The following CHEK2 variants were observed in gnomAD, a reference collection of about 807,000 sequenced individuals.
CHEK2 encodes the protein serine/threonine-protein kinase Chk2.
In CHEK2, 71 loss-of-function variants were observed where a neutral mutation model predicts 69.1. The observed-to-expected ratio is 1.03, with a 90% CI of 0.85 to 1.25. The LOEUF (loss-of-function observed/expected upper bound fraction) is 1.25. Among genes scored for constraint, CHEK2 ranks in the 50% most tolerant of loss-of-function variants. CHEK2 has a pLI of 0.00. For synonymous variants in CHEK2, 189 were observed against 226.9 expected (o/e 0.83, Z 1.50); for missense variants, 664 against 649.6 (o/e 1.02, Z -0.24).
intron 7 of CHEK2, among the ~76,000 whole-genome samples, chr22:28,707,571 A>G (rs2053196820): frequency 6.6e-6 from 1 of 152,222 alleles, no homozygotes; most frequent in Non-Finnish European, 1.5e-5. Flanking sequence ...AAGTAATCAC[A>G]TCAATCTCTG....
chr22:28,690,357 G>A (rs1487522781), intron 13 of CHEK2, among the ~76,000 whole-genome samples: 7 of 152,036 alleles, frequency 4.6e-5, no homozygotes, highest in African/African-American at 7.2e-5. Context: ...GGCCAGGCAC[G>A]GAGGCTCACG....
At chr22:28,705,983 T>TAAACTAAACTA (rs2053124230) in intron 7 of CHEK2, among the ~76,000 whole-genome samples, 1 of 150,414 alleles carries the variant, frequency 6.6e-6, no homozygotes, top group African/African-American at 2.4e-5. Context: ...TAAACTAAAC[T>TAAACTAAACTA]AAACTAAACT....
chr22:28,702,953 ATGTT>A (rs1306815791), intron 8 of CHEK2, among the ~76,000 whole-genome samples: 2 of 152,154 alleles, frequency 1.3e-5, no homozygotes, highest in Non-Finnish European at 2.9e-5. Flanking sequence ...AACAAGAAAA[ATGTT>A]TGTTCATGTT....
At chr22:28,700,786 CTTTA>C (rs200570471) in intron 8 of CHEK2, among the ~76,000 whole-genome samples, 1 of 151,900 alleles carries the variant, frequency 6.6e-6, no homozygotes, top group Non-Finnish European at 1.5e-5. Context: ...AAGGTTATTC[CTTTA>C]TTTATTTATT....
chr22:28,722,231 A>G (rs979889779), intron 4 of CHEK2, among the ~76,000 whole-genome samples: 5 of 152,138 alleles, frequency 3.3e-5, no homozygotes, highest in East Asian at 1.9e-4. Context: ...TGCCCTGACT[A>G]TAACTGTCAG....
intron 13 of CHEK2, among the ~76,000 whole-genome samples, chr22:28,690,936 T>TA (rs1173621849): frequency 2.6e-5 from 4 of 151,246 alleles, no homozygotes; most frequent in African/African-American, 9.8e-5. Context: ...GGCTCACGCC[T>TA]GTAATCCCAG....
intron 7 of CHEK2, among the ~76,000 whole-genome samples, chr22:28,708,277 G>T (rs1258120846): frequency 4.6e-5 from 7 of 151,770 alleles, no homozygotes; most frequent in Non-Finnish European, 1.0e-4. Flanking sequence ...AGTATCGCTT[G>T]GTCCCAGGAG....
At chr22:28,718,533 G>A (rs764402108) in intron 5 of CHEK2, among the ~76,000 whole-genome samples, 3 of 152,128 alleles carry the variant, frequency 2.0e-5, no homozygotes, top group Non-Finnish European at 4.4e-5. Flanking sequence ...CAACCAAAGT[G>A]TCCATAAATG....
At chr22:28,710,258 G>A (rs906129242) in intron 6 of CHEK2, among the ~76,000 whole-genome samples, 199 bp from the exon 7 acceptor site, 5 of 152,118 alleles carry the variant, frequency 3.3e-5, no homozygotes, top group Non-Finnish European at 5.9e-5. Flanking sequence ...CAAATAGTAA[G>A]CACTCAATAA....
intron 1 of CHEK2, among the ~76,000 whole-genome samples, chr22:28,741,506 G>A (rs1435100511): frequency 6.6e-6 from 1 of 152,074 alleles, no homozygotes; most frequent in Admixed American, 6.6e-5. Flanking sequence ...GAATTTTTAC[G>A]AAGTCACTTC....
At chr22:28,713,374 T>A (rs920225424) in intron 5 of CHEK2, among the ~76,000 whole-genome samples, 7 of 151,994 alleles carry the variant, frequency 4.6e-5, no homozygotes, top group African/African-American at 1.2e-4. Flanking sequence ...TTTTTTTTTT[T>A]TTTGAGATGG....
chr22:28,704,857 A>G (rs1297339419), intron 7 of CHEK2, among the ~76,000 whole-genome samples: 3 of 152,180 alleles, frequency 2.0e-5, no homozygotes, highest in Admixed American at 6.5e-5. Context: ...ATTTCATCAT[A>G]TTCATCACTC....
At chr22:28,700,979 C>T (rs565854501) in intron 8 of CHEK2, among the ~76,000 whole-genome samples, 8 of 151,822 alleles carry the variant, frequency 5.3e-5, no homozygotes, top group Admixed American at 1.3e-4. Context: ...AGTAGAGATG[C>T]GGTTTCTCCA....
At chr22:28,704,652 C>T (rs1044054228) in intron 7 of CHEK2, among the ~76,000 whole-genome samples, 3 of 151,968 alleles carry the variant, frequency 2.0e-5, no homozygotes, top group South Asian at 2.1e-4. Context: ...ATTGTTTTTA[C>T]GATACAGAAG....
chr22:28,740,425 A>G (rs2054522910), intron 1 of CHEK2, among the ~76,000 whole-genome samples: 1 of 152,220 alleles, frequency 6.6e-6, no homozygotes, highest in Non-Finnish European at 1.5e-5. Context: ...GACACCCCAG[A>G]TAAAGCCAAA....
chr22:28,714,118 A>G (rs2053507360), intron 5 of CHEK2, among the ~76,000 whole-genome samples: 1 of 152,146 alleles, frequency 6.6e-6, no homozygotes, highest in Non-Finnish European at 1.5e-5. Context: ...TCAGATGTTT[A>G]CCTTTTTAAG....
chr22:28,737,520 A>G (rs2054447799), intron 1 of CHEK2, among the ~76,000 whole-genome samples: 2 of 147,410 alleles, frequency 1.4e-5, no homozygotes, highest in East Asian at 2.0e-4. Flanking sequence ...CCCAGGCTGG[A>G]GTGCAGTGGC....
At chr22:28,737,708 A>G (rs1191695411) in intron 1 of CHEK2, among the ~76,000 whole-genome samples, 1 of 151,978 alleles carries the variant, frequency 6.6e-6, no homozygotes, top group East Asian at 1.9e-4. Flanking sequence ...TGCAGACCTC[A>G]GGTGATCCTC....
chr22:28,712,051 A>C, intron 5 of CHEK2, 34 bp from the exon 6 acceptor site: 1 of 1,498,068 alleles, frequency 6.7e-7, no homozygotes, highest in Non-Finnish European at 9.3e-7. Flanking sequence ...GATTGTCTGA[A>C]TGTTTTTAAT....
Sources: allele counts gnomAD v4.1 joint callset (sites outside exome capture counted in the v4.1 genomes callset), GRCh38; gene constraint gnomAD v4.1.1; transcripts MANE v1.5; gene names NCBI Gene and HGNC (gene_info 2026-07-23, HGNC 2026-07-21).